ACIN1: variants seen among roughly 807,000 people sequenced by gnomAD.
ACIN1 encodes apoptotic chromatin condensation inducer in the nucleus.
A neutral mutation model predicts 146.6 loss-of-function variants in ACIN1; 16 were observed. That is an observed-to-expected ratio of 0.11 (90% CI 0.07 to 0.17). The LOEUF is 0.17. ACIN1 is among the 10% of genes least tolerant of loss of function. ACIN1 has a pLI of 1.00. For synonymous variants in ACIN1, 569 were observed against 582.7 expected (o/e 0.98, Z 0.34); for missense variants, 1,357 against 1,609.3 (o/e 0.84, Z 2.68).
intron 8 of ACIN1, among the ~76,000 whole-genome samples, chr14:23,075,323 C>CT (rs11423392): frequency 0.25 from 33,030 of 133,234 alleles, 4,271 homozygotes; most frequent in African/African-American, 0.36. Context: ...CTTTCTTCCC[C>CT]TTTTTTTTTT....
intron 3 of ACIN1, 144 bp downstream of exon 3, chr14:23,090,378 C>T (rs1325907783): frequency 2.4e-6 from 2 of 829,958 alleles, no homozygotes; most frequent in Non-Finnish European, 3.7e-6. Flanking sequence ...TAGTAAACCA[C>T]TTGGCTTCAT....
intron 18 of ACIN1, among the ~76,000 whole-genome samples, chr14:23,060,619 TCTC>T (rs1485297760): frequency 9.2e-5 from 14 of 151,984 alleles, no homozygotes; most frequent in South Asian, 8.3e-4. Context: ...TTCAAGCAAT[TCTC>T]CTCCTCAGCC....
Position 23,063,086 on chromosome 14 carries a change from AC to A in ACIN1, c.2738-13del. The A allele has an allele frequency of 6.3e-7, 1 of 1,592,594 alleles. No individual in the cohort carries two copies. Among genetic ancestry groups the A allele is most frequent in the Admixed American group, 1.8e-5 (1 of 55,126 alleles). ...ATCTCCTAAAGTCACTATCAAGAAG[AC>A]CACAAGAACAGCTTTTGGTAGGAAG... On this transcript the variant is annotated splice_polypyrimidine_tract_variant and intron_variant, in intron 13 of 18. Coordinates refer to ENST00000605057, the MANE Select transcript of ACIN1 (RefSeq NM_001386863.1).
At chr14:23,065,838 C>T (rs1951442576) in intron 10 of ACIN1, 128 bp downstream of exon 10, 4 of 786,752 alleles carry the variant, frequency 5.1e-6, no homozygotes, top group Non-Finnish European at 8.6e-6. Context: ...TTCAGATTTG[C>T]TAGGCACAAG....
At chr14:23,092,999 T>G (rs1193304427) in intron 2 of ACIN1, among the ~76,000 whole-genome samples, 2 of 152,266 alleles carry the variant, frequency 1.3e-5, no homozygotes, top group African/African-American at 4.8e-5. Context: ...GTAATGTTTA[T>G]GAGTAAGTGC....
chr14:23,071,328 A>G (rs1322401200), intron 8 of ACIN1: 1 of 1,512,766 alleles, frequency 6.6e-7, no homozygotes, highest in African/African-American at 1.4e-5. Context: ...AGATGTAGCA[A>G]CCGGGGATCC....
In ACIN1 at chr14:23,080,092, A is replaced by C; in HGVS notation, c.1243T>G (p.Leu415Val). The change falls in exon 6 of 19, where the codon TTG (leucine) becomes GTG (valine). Residue 415 changes from leucine (L) to valine (V), a missense_variant. This residue lies in a region of ACIN1 where 771 missense variants were observed against 746.6 expected (regional missense o/e 1.03). Coordinates refer to ENST00000605057, the MANE Select transcript of ACIN1 (RefSeq NM_001386863.1). ...GACAAAGGAGACAGGCCTCCTACCA[A>C]CTGGACAGTATGCTGAGATACTAAT... The part of the protein sequence containing the change: ...ELLVSQHTVQ[L>V]VGGLSPLSSP... The C allele has an allele frequency of 6.2e-7, 1 of 1,614,112 alleles. No homozygotes were observed. The highest frequency in any genetic ancestry group is 1.7e-5 in the Admixed American group (1 of 60,020).
chr14:23,070,639 C>T (rs544748760), intron 8 of ACIN1, among the ~76,000 whole-genome samples: 13 of 152,254 alleles, frequency 8.5e-5, no homozygotes, highest in African/African-American at 2.6e-4. Flanking sequence ...ACCCCCTCTA[C>T]CACCCAAACA....
chr14:23,079,213 T>C (rs2047879655), intron 6 of ACIN1, among the ~76,000 whole-genome samples, 175 bp from the exon 7 acceptor site: 1 of 152,200 alleles, frequency 6.6e-6, no homozygotes, highest in African/African-American at 2.4e-5. Flanking sequence ...TGACCACTTA[T>C]TTAACAAATT....
At chr14:23,093,454 C>A (rs1474372807) in intron 2 of ACIN1, 25 bp downstream of exon 2, 1 of 1,605,866 alleles carries the variant, frequency 6.2e-7, no homozygotes, top group Non-Finnish European at 8.5e-7. Context: ...AGGGCCCACT[C>A]CATTGAATAC....
Position 23,059,043 on chromosome 14 carries a change from TGA to T in ACIN1, c.*103_*104del. The T allele has an allele frequency of 9.1e-7, 1 of 1,103,292 alleles. No individual in the cohort carries two copies. The highest frequency in any genetic ancestry group is 2.4e-5 in the East Asian group (1 of 42,122). The allele number at this position is 1,103,292 out of a possible 1,614,324, so 68.3% of individuals were successfully genotyped here. On this transcript the variant is annotated 3_prime_UTR_variant, in exon 19 of 19. Coordinates refer to ENST00000605057, the MANE Select transcript of ACIN1 (RefSeq NM_001386863.1). ...GGTATGTATGTAGGGATAGGTGATG[TGA>T]AAGACCCTTGGCTCCAGGGTGGTGG... is the stretch of plus-strand genomic sequence containing the variant.
chr14:23,062,637 G>T, intron 14 of ACIN1, 114 bp from the exon 15 acceptor site: 3 of 997,578 alleles, frequency 3.0e-6, no homozygotes, highest in East Asian at 2.4e-5. Flanking sequence ...GGGGAGGGCA[G>T]AGAGTTTAGG....
chr14:23,060,194 T>C (rs982164385), intron 18 of ACIN1, among the ~76,000 whole-genome samples: 1 of 148,642 alleles, frequency 6.7e-6, no homozygotes, highest in Non-Finnish European at 1.5e-5. Flanking sequence ...CTGGCTTAGA[T>C]GGAGGCTTAG....
chr14:23,073,633 G>A (rs1377489864), intron 8 of ACIN1, among the ~76,000 whole-genome samples: 2 of 152,004 alleles, frequency 1.3e-5, no homozygotes, highest in Non-Finnish European at 2.9e-5. Context: ...ACTCCAGCCT[G>A]GGCAACAAGA....
chr14:23,079,880 A>C lies in ACIN1; in HGVS notation c.1455T>G (p.Thr485=). 1 of 1,614,198 alleles carries C rather than the reference A, an allele frequency of 6.2e-7. No individual in the cohort carries two copies. Among genetic ancestry groups the C allele is most frequent in the Non-Finnish European group, 8.5e-7 (1 of 1,180,036 alleles). The change falls in exon 6 of 19, where the codon ACT becomes ACG. Residue 485 remains threonine, a synonymous_variant. Transcript: ENST00000605057. ...AAGATGGCTGTTTCAGACATTCTTC[A>C]GTGATTCCTTTGGCCAGTGCTAATT... ...IEELALAKGI[T]EECLKQPSLE... is the part of the protein sequence containing the mutation.
At chr14:23,060,505 GTTCTT>G (rs1566729828) in intron 18 of ACIN1, among the ~76,000 whole-genome samples, 1 of 151,126 alleles carries the variant, frequency 6.6e-6, no homozygotes, top group African/African-American at 2.5e-5. Flanking sequence ...ATACAATCAA[GTTCTT>G]TTTTTTTTTT....
chr14:23,087,952 G>A (rs1054406369), intron 4 of ACIN1, among the ~76,000 whole-genome samples: 1 of 152,098 alleles, frequency 6.6e-6, no homozygotes, highest in East Asian at 1.9e-4. Flanking sequence ...CTCAAATCCT[G>A]TATCTCCTTA....
chr14:23,069,124 A>T, intron 9 of ACIN1: 2 of 1,009,186 alleles, frequency 2.0e-6, no homozygotes, highest in Non-Finnish European at 2.4e-6. Flanking sequence ...TTTAAAAAGG[A>T]GGGAAAGCTA....
chr14:23,067,506 G>A lies in ACIN1; in HGVS notation c.2266-1498C>T. 1 of 962,062 alleles carries A rather than the reference G, an allele frequency of 1.0e-6. No individual in the cohort carries two copies. Among genetic ancestry groups the A allele is most frequent in the Non-Finnish European group, 1.2e-6 (1 of 809,070 alleles). 59.6% of individuals were successfully genotyped at this position (962,062 alleles called of 1,614,324 possible). A position where few individuals can be genotyped will look rare whatever the true frequency, so the allele number is the denominator to read the frequency against. ...TCCTCCCAGGGGCGCAGGGGGGGCGGGAGGGAAACGTGTGGGGGGACGCTG... is the reference window on the plus strand; with the variant it reads ...TCCTCCCAGGGGCGCAGGGGGGGCGAGAGGGAAACGTGTGGGGGGACGCTG... On this transcript the variant is annotated intron_variant, in intron 9 of 18. Transcript: ENST00000605057. This position sits in a 1 kb window ranked among gnomAD's most constrained non-coding sequence, Gnocchi z 4.6.
Sources: allele counts gnomAD v4.1 joint callset (sites outside exome capture counted in the v4.1 genomes callset), GRCh38; gene constraint gnomAD v4.1.1; regional missense constraint gnomAD v4.1.1; non-coding constraint Gnocchi (gnomAD v3.1); transcripts MANE v1.5; gene names NCBI Gene and HGNC (gene_info 2026-07-23, HGNC 2026-07-21).